The following PTPRK variants were observed in gnomAD, a reference collection of about 807,000 sequenced individuals.
PTPRK encodes the protein receptor-type tyrosine-protein phosphatase kappa.
Under a neutral mutation model 178.0 loss-of-function variants are expected in PTPRK, and 75 were observed. The ratio of observed to expected loss-of-function variants is 0.42; its 90% CI spans 0.35 to 0.51. PTPRK has a LOEUF of 0.51. Ranked by LOEUF, PTPRK falls within the 20% of genes least tolerant of loss-of-function variation. The pLI is 0.02. For missense variants in PTPRK, 1,441 were observed against 1,797.8 expected, an observed-to-expected ratio of 0.80 and a Z score of 3.59; for synonymous variants, 637 against 620.6, an observed-to-expected ratio of 1.03 and a Z score of -0.39.
chr6:128,154,627 TG>T (rs906146831), intron 7 of PTPRK, among the ~76,000 whole-genome samples: 7 of 151,608 alleles, frequency 4.6e-5, no homozygotes, highest in Non-Finnish European at 1.0e-4. Flanking sequence ...TCAAAACCAA[TG>T]GGAGATTTTT....
chr6:128,088,326 CGA>C (rs1384093633), intron 8 of PTPRK, among the ~76,000 whole-genome samples: 2 of 150,212 alleles, frequency 1.3e-5, no homozygotes, highest in African/African-American at 4.9e-5. Context: ...TGCAGTGAGC[CGA>C]GTCGAGCCAC....
At chr6:128,135,078 TCACACACACACACA>T (rs34254716) in intron 7 of PTPRK, among the ~76,000 whole-genome samples, 2 of 136,274 alleles carry the variant, frequency 1.5e-5, no homozygotes, top group South Asian at 2.4e-4. Flanking sequence ...AATCATTCAA[TCACACACACACACA>T]CACACACACA....
chr6:128,497,872 A>C (rs1341798238), intron 1 of PTPRK, among the ~76,000 whole-genome samples: 1 of 152,058 alleles, frequency 6.6e-6, no homozygotes, highest in Non-Finnish European at 1.5e-5. Flanking sequence ...GAATCACTTT[A>C]AAATCTGAAC....
At chr6:128,427,889 G>A (rs1250421136) in intron 1 of PTPRK, among the ~76,000 whole-genome samples, 2 of 152,040 alleles carry the variant, frequency 1.3e-5, no homozygotes, top group East Asian at 1.9e-4. Flanking sequence ...TCAGGAGATC[G>A]AGAGCATCCT....
At position 128,219,881 on chromosome 6, in the gene PTPRK, T is replaced by C. The variant is rs185012453; in HGVS notation, c.694-785A>G. Among the ~76,000 whole-genome samples, 3 of 152,328 alleles carry C rather than the reference T, an allele frequency of 2.0e-5. No homozygotes were observed. The East Asian group carries it at 5.8e-4, about 29-fold the overall frequency. The stretch of plus-strand genomic sequence containing the variant: ...TGCTGGCCACAGAATGATAATAAAC[T>C]AATGATGAATAATTTAGAGTCAAAC... On this transcript the variant is annotated intron_variant, in intron 5 of 29. Coordinates refer to ENST00000368226, the MANE Select transcript of PTPRK (RefSeq NM_002844.4).
intron 2 of PTPRK, among the ~76,000 whole-genome samples, chr6:128,358,722 G>C (rs1285521760): frequency 1.3e-5 from 2 of 152,174 alleles, no homozygotes; most frequent in Non-Finnish European, 2.9e-5. Context: ...GATAAATCAT[G>C]CAAATAGAAC....
intron 5 of PTPRK, among the ~76,000 whole-genome samples, chr6:128,225,602 C>T (rs745741111): frequency 6.6e-6 from 1 of 152,038 alleles, no homozygotes; most frequent in Non-Finnish European, 1.5e-5. Flanking sequence ...ATTCCAAAAA[C>T]ATGAAATCAT....
intron 29 of PTPRK, among the ~76,000 whole-genome samples, chr6:127,972,354 T>C (rs1430395519): frequency 6.6e-6 from 1 of 152,194 alleles, no homozygotes; most frequent in Admixed American, 6.5e-5. Context: ...AACCCACAGA[T>C]ATCTCTCGTT....
intron 1 of PTPRK, among the ~76,000 whole-genome samples, chr6:128,419,742 G>A (rs9402039): frequency 0.064 from 9,706 of 152,326 alleles, 391 homozygotes; most frequent in Middle Eastern, 0.12. Context: ...CATTGCCAGT[G>A]TTGTGGAGCC....
intron 3 of PTPRK, among the ~76,000 whole-genome samples, chr6:128,286,235 G>A (rs1822484846): frequency 6.6e-6 from 1 of 151,986 alleles, no homozygotes; most frequent in African/African-American, 2.4e-5. Context: ...ACTCTGCTTG[G>A]GGTTCATTGT....
At position 128,354,231 on chromosome 6, in the gene PTPRK, G is replaced by GTTTTGTT. The variant is rs1833610167; in HGVS notation, c.224-31922_224-31921insAACAAAA. Among the ~76,000 whole-genome samples, 2 of 49,358 alleles carry GTTTTGTT rather than the reference G, an allele frequency of 4.1e-5. 1 individual carries two copies. The allele number at this position is 49,358 out of a possible 152,430, so 32.4% of individuals were successfully genotyped here. A position where few individuals can be genotyped will look rare whatever the true frequency, so the allele number is the denominator to read the frequency against. On this transcript the variant is annotated intron_variant, in intron 2 of 29. Coordinates refer to ENST00000368226, the MANE Select transcript of PTPRK (RefSeq NM_002844.4). ...ACATGTATTTTGGTTTTTTGTTTAT[G>GTTTTGTT]TTTTTTTTTTTTTTTTTTTTTTTTG...
intron 3 of PTPRK, among the ~76,000 whole-genome samples, chr6:128,277,594 A>C (rs1820927453): frequency 6.6e-6 from 1 of 152,202 alleles, no homozygotes; most frequent in African/African-American, 2.4e-5. Context: ...AAGGAGATCA[A>C]TACCTGGGGT....
chr6:128,226,520 G>C (rs1159341539), intron 5 of PTPRK, among the ~76,000 whole-genome samples: 1 of 151,818 alleles, frequency 6.6e-6, no homozygotes, highest in Admixed American at 6.6e-5. Flanking sequence ...GGACTGGATT[G>C]AATCAGTTGA....
At chr6:128,325,052 T>C (rs1469395212) in intron 2 of PTPRK, among the ~76,000 whole-genome samples, 1 of 152,174 alleles carries the variant, frequency 6.6e-6, no homozygotes, top group Non-Finnish European at 1.5e-5. Flanking sequence ...AGTTTAGTTA[T>C]CTCAAGGCTT....
intron 7 of PTPRK, among the ~76,000 whole-genome samples, chr6:128,092,734 C>T (rs1787203402): frequency 6.6e-6 from 1 of 152,118 alleles, no homozygotes; most frequent in African/African-American, 2.4e-5. Context: ...CTATAAAATC[C>T]ATTCAAAGAA....
Position 127,998,879 on chromosome 6 carries a change from C to T in PTPRK, c.2520G>A (p.Glu840=), listed in dbSNP as rs1777482105. The change falls in exon 16 of 30, where the codon GAG becomes GAA. Residue 840 remains glutamate, a synonymous_variant. Coordinates refer to ENST00000368226, the MANE Select transcript of PTPRK (RefSeq NM_002844.4). Reference sequence around the variant, plus strand: ...GAGGTACGTCTAGAAGGCGACTGGACTCTGCTGTAGCACTGTGGTTCTCAT... The same window carrying T: ...GAGGTACGTCTAGAAGGCGACTGGATTCTGCTGTAGCACTGTGGTTCTCAT... ...PRYENHSATA[E]SSRLLDVPRY... 6.3e-7 allele frequency: 1 copy of T among 1,578,468 alleles called. No homozygotes were observed. The highest frequency in any genetic ancestry group is 1.8e-5 in the Admixed American group (1 of 56,000).
intron 1 of PTPRK, among the ~76,000 whole-genome samples, chr6:128,486,638 C>CA (rs1467398460): frequency 2.0e-5 from 3 of 151,732 alleles, no homozygotes; most frequent in East Asian, 1.9e-4. Flanking sequence ...ACCCTGTCTA[C>CA]AAAAAAATAC....
chr6:128,140,032 GT>G lies in PTPRK; in HGVS notation c.1162+44399del, dbSNP rs559496158. On this transcript the variant is annotated intron_variant, in intron 7 of 29. Coordinates refer to ENST00000368226, the MANE Select transcript of PTPRK (RefSeq NM_002844.4). ...CTCCTCCTCTGCAATGGAGAAAGAT[GT>G]TTTCCCATCTCCTGTATAAAATGCT... Among the ~76,000 whole-genome samples the G allele has an allele frequency of 6.2e-3, 940 of 152,086 alleles. 18 individuals are homozygous for G. The highest frequency in any genetic ancestry group is 0.021 in the African/African-American group (890 of 41,518).
intron 1 of PTPRK, among the ~76,000 whole-genome samples, chr6:128,460,219 T>A (rs757930615): frequency 3.9e-5 from 6 of 152,132 alleles, no homozygotes; most frequent in African/African-American, 7.2e-5. Flanking sequence ...ATTCATTGTA[T>A]GTCCCAGCTG....
Sources: gnomAD v4.1 joint callset for allele counts (sites outside exome capture counted in the v4.1 genomes callset) on GRCh38, gnomAD v4.1.1 for gene constraint, MANE v1.5 for transcripts, NCBI Gene and HGNC (gene_info 2026-07-23, HGNC 2026-07-21) for gene names.